The following TMEM182 variants were observed in gnomAD, a reference collection of about 807,000 sequenced individuals.
The protein encoded by TMEM182 is transmembrane protein 182.
A neutral mutation model predicts 26.8 loss-of-function variants in TMEM182; 20 were observed. The observed-to-expected ratio is 0.75, with a 90% CI of 0.53 to 1.09. The LOEUF (loss-of-function observed/expected upper bound fraction) is 1.09, where lower values mean the gene tolerates loss of function less well. Ranked by LOEUF, TMEM182 falls within the 50% of genes least tolerant of loss-of-function variation. The probability of loss-of-function intolerance (pLI) is 0.00; values close to 1 mark genes in which losing one functional copy is unlikely to be tolerated. For missense variants in TMEM182, 277 were observed against 275.5 expected (o/e 1.01, Z -0.04); for synonymous variants, 109 against 102.2 (o/e 1.07, Z -0.40).
In TMEM182 at chr2:102,816,425, C is replaced by A; in HGVS notation, c.*1457C>A. 1.0e-6 allele frequency: 1 copy of A among 984,928 alleles called. No homozygotes were observed. The highest frequency in any genetic ancestry group is 1.7e-5 in the African/African-American group (1 of 57,162). 61.0% of individuals were successfully genotyped at this position (984,928 alleles called of 1,614,324 possible). On this transcript the variant is annotated 3_prime_UTR_variant, in exon 5 of 5. Coordinates refer to ENST00000412401, the MANE Select transcript of TMEM182 (RefSeq NM_144632.5). The stretch of plus-strand genomic sequence containing the variant: ...TCTTCTCTGTACATCTTGTGCTTTT[C>A]CATTAAGACTTGTTCCAGTGGGAAG...
At chr2:102,791,119 A>G (rs953029248) in intron 3 of TMEM182, among the ~76,000 whole-genome samples, 2 of 152,072 alleles carry the variant, frequency 1.3e-5, no homozygotes, top group African/African-American at 4.8e-5. Context: ...TATTTTTTAT[A>G]GAAACGTAAT....
At chr2:102,803,476 A>G (rs1682228764) in intron 4 of TMEM182, among the ~76,000 whole-genome samples, 1 of 152,228 alleles carries the variant, frequency 6.6e-6, no homozygotes, top group Admixed American at 6.5e-5. Context: ...AGACTGACTT[A>G]AAAGGAAGTG....
intron 4 of TMEM182, among the ~76,000 whole-genome samples, 163 bp from the exon 5 acceptor site, chr2:102,814,585 G>T (rs372468643): frequency 1.9e-4 from 29 of 152,224 alleles, no homozygotes; most frequent in African/African-American, 6.5e-4. Flanking sequence ...AAAGATAAAA[G>T]AAATATCTAT....
At chr2:102,743,615 A>T (rs1228030002) in intron 1 of TMEM182, among the ~76,000 whole-genome samples, 5 of 152,222 alleles carry the variant, frequency 3.3e-5, no homozygotes, top group African/African-American at 9.6e-5. Flanking sequence ...TATTCATTCC[A>T]CTATATGAAT....
At chr2:102,824,817 CTCTG>C (rs1396342327) in intron 3 of TMEM182, among the ~76,000 whole-genome samples, 5 of 152,112 alleles carry the variant, frequency 3.3e-5, no homozygotes, top group African/African-American at 1.2e-4. Context: ...CAGAGCAAGA[CTCTG>C]TCTGAAAACA....
intron 1 of TMEM182, among the ~76,000 whole-genome samples, chr2:102,754,380 G>C (rs1202128975): frequency 6.6e-6 from 1 of 152,120 alleles, no homozygotes; most frequent in Non-Finnish European, 1.5e-5. Flanking sequence ...GCCTCATGTT[G>C]GTCAGATCTG....
chr2:102,799,020 A>T (rs1308077052), intron 4 of TMEM182, among the ~76,000 whole-genome samples: 11 of 152,212 alleles, frequency 7.2e-5, no homozygotes, highest in Admixed American at 1.3e-4. Context: ...AGCCCTTTTC[A>T]TTTAATTAGG....
At chr2:102,796,974 A>C (rs1482072308) in intron 3 of TMEM182, among the ~76,000 whole-genome samples, 1 of 152,214 alleles carries the variant, frequency 6.6e-6, no homozygotes, top group Non-Finnish European at 1.5e-5. Flanking sequence ...CATCTATACT[A>C]TCAAGAATTT....
intron 3 of TMEM182, among the ~76,000 whole-genome samples, chr2:102,791,078 G>A (rs1388788023): frequency 6.6e-6 from 1 of 152,080 alleles, no homozygotes. Flanking sequence ...TGGGATTAGA[G>A]GCGTATGCCA....
At chr2:102,805,905 T>TA (rs1030634465) in intron 4 of TMEM182, among the ~76,000 whole-genome samples, 36 of 151,984 alleles carry the variant, frequency 2.4e-4, no homozygotes, top group Admixed American at 2.4e-3. Context: ...ATCCTGTCTC[T>TA]AAAAAAACAA....
intron 1 of TMEM182, among the ~76,000 whole-genome samples, chr2:102,745,662 A>G (rs1425196225): frequency 6.6e-6 from 1 of 152,122 alleles, no homozygotes; most frequent in Non-Finnish European, 1.5e-5. Flanking sequence ...TCAGCCCTAG[A>G]CAACAGCTAA....
intron 1 of TMEM182, among the ~76,000 whole-genome samples, chr2:102,743,360 T>C (rs1453188686): frequency 6.6e-6 from 1 of 152,044 alleles, no homozygotes; most frequent in Non-Finnish European, 1.5e-5. Context: ...GGGCCAGGCA[T>C]AGTGGCACAT....
intron 1 of TMEM182, among the ~76,000 whole-genome samples, chr2:102,739,773 C>T (rs1679493257): frequency 6.6e-6 from 1 of 152,134 alleles, no homozygotes; most frequent in Non-Finnish European, 1.5e-5. Flanking sequence ...ATTACCCAGT[C>T]TCAGGTATTT....
chr2:102,801,959 A>C (rs1296073451), intron 4 of TMEM182, among the ~76,000 whole-genome samples: 2 of 152,192 alleles, frequency 1.3e-5, no homozygotes, highest in African/African-American at 4.8e-5. Context: ...TACCAAGAGC[A>C]GGGAGAGCTA....
intron 1 of TMEM182, among the ~76,000 whole-genome samples, chr2:102,748,141 T>C (rs571370595): frequency 6.6e-6 from 1 of 152,330 alleles, no homozygotes; most frequent in African/African-American, 2.4e-5. Flanking sequence ...AATCCTTGGA[T>C]TGGGAGTAAC....
At chr2:102,786,126 C>T (rs1379349371) in intron 3 of TMEM182, among the ~76,000 whole-genome samples, 2 of 142,270 alleles carry the variant, frequency 1.4e-5, no homozygotes, top group East Asian at 2.1e-4. Flanking sequence ...GGAGGATTTA[C>T]AGAAGTCCCT....
At chr2:102,748,590 A>G (rs541297089) in intron 1 of TMEM182, among the ~76,000 whole-genome samples, 1 of 152,314 alleles carries the variant, frequency 6.6e-6, no homozygotes, top group East Asian at 1.9e-4. Flanking sequence ...TTTAACTATG[A>G]CTAAAATAAA....
chr2:102,771,478 C>A (rs112159402), intron 3 of TMEM182, among the ~76,000 whole-genome samples: 1,908 of 152,024 alleles, frequency 0.013, 48 homozygotes, highest in African/African-American at 0.044. Context: ...ACATCAAGGC[C>A]GTACTTAAAA....
chr2:102,817,665 A>G lies in TMEM182; in HGVS notation c.*2697A>G, dbSNP rs1433389911. On this transcript the variant is annotated 3_prime_UTR_variant, in exon 5 of 5. Transcript: ENST00000412401. ...TGAAGATTAAATGGAATTATAAAGGAATATATTGGAGGAAGTGTCAGTGTT... is the reference window on the plus strand; with the variant it reads ...TGAAGATTAAATGGAATTATAAAGGGATATATTGGAGGAAGTGTCAGTGTT... The G allele has an allele frequency of 1.0e-6, 1 of 982,144 alleles. No individual in the cohort carries two copies. Among genetic ancestry groups the G allele is most frequent in the Non-Finnish European group, 1.2e-6 (1 of 826,964 alleles). 60.8% of individuals were successfully genotyped at this position (982,144 alleles called of 1,614,324 possible). A position where few individuals can be genotyped will look rare whatever the true frequency, so the allele number is the denominator to read the frequency against.
Sources: allele counts gnomAD v4.1 joint callset (sites outside exome capture counted in the v4.1 genomes callset), GRCh38; gene constraint gnomAD v4.1.1; transcripts MANE v1.5; gene names NCBI Gene and HGNC (gene_info 2026-07-23, HGNC 2026-07-21).